ANO10: variants seen among roughly 807,000 people sequenced by gnomAD.
ANO10 encodes the protein anoctamin-10.
In ANO10, 77 loss-of-function variants were observed where a neutral mutation model predicts 74.7. That is an observed-to-expected ratio of 1.03 (90% CI 0.86 to 1.25). The LOEUF (loss-of-function observed/expected upper bound fraction) is 1.25, where lower values mean the gene tolerates loss of function less well. ANO10 is among the 50% of genes most tolerant of loss of function. The pLI, the probability that ANO10 is intolerant of heterozygous loss-of-function variation, is 0.00. For synonymous variants in ANO10, 279 were observed against 284.9 expected (o/e 0.98, Z 0.21); for missense variants, 721 against 778.1 (o/e 0.93, Z 0.87).
chr3:43,637,867 G>A (rs2083630715), intron 1 of ANO10: 1 of 152,208 alleles, frequency 6.6e-6, no homozygotes, highest in South Asian at 2.1e-4. Context: ...TTTAGAACTA[G>A]TGGGATTTAC....
chr3:43,471,771 C>T (rs10461014), intron 11 of ANO10, among the ~76,000 whole-genome samples: 138,835 of 152,142 alleles, frequency 0.91, 63,732 homozygotes, highest in Non-Finnish European at 0.97. Flanking sequence ...AGACCCCATC[C>T]CTAAAAAAAA....
chr3:43,381,750 C>T (rs1256897527), intron 12 of ANO10, among the ~76,000 whole-genome samples: 5 of 152,182 alleles, frequency 3.3e-5, no homozygotes, highest in African/African-American at 1.2e-4. Flanking sequence ...ATTCTACTCA[C>T]AACTGCAGAA....
chr3:43,667,875 T>C (rs1443571082), intron 1 of ANO10, among the ~76,000 whole-genome samples: 1 of 152,196 alleles, frequency 6.6e-6, no homozygotes, highest in Admixed American at 6.5e-5. Context: ...TCTACATCTT[T>C]ACAATTGCCA....
intron 11 of ANO10, among the ~76,000 whole-genome samples, chr3:43,440,106 AAAGG>A (rs1219878462): frequency 6.6e-6 from 1 of 152,202 alleles, no homozygotes; most frequent in Non-Finnish European, 1.5e-5. Flanking sequence ...AACAAAATAC[AAAGG>A]AAGGCAGCAA....
Position 43,615,768 on chromosome 3 carries a change from C to T in ANO10, c.-12+6141G>A, listed in dbSNP as rs187749813. The stretch of plus-strand genomic sequence containing the variant: ...TCCTGGGTTCAAGCGATTCTCCTGC[C>T]TCAGCCTCCCGAGTAGCTGGGACTA... On this transcript the variant is annotated intron_variant, in intron 1 of 12. Coordinates refer to ENST00000292246, the MANE Select transcript of ANO10 (RefSeq NM_018075.5). 9.0e-4 allele frequency among the ~76,000 whole-genome samples: 137 copies of T among 152,078 alleles called. 3 individuals carry two copies. Among genetic ancestry groups the T allele is most frequent in the Admixed American group, 6.9e-3 (105 of 15,268 alleles).
At chr3:43,367,261 A>AG (rs2091444953) in intron 12 of ANO10, among the ~76,000 whole-genome samples, 1 of 152,196 alleles carries the variant, frequency 6.6e-6, no homozygotes, top group African/African-American at 2.4e-5. Context: ...GGCCAGGATG[A>AG]GGGGAATAGG....
chr3:43,513,184 T>G (rs927278191), intron 11 of ANO10, among the ~76,000 whole-genome samples: 4 of 152,110 alleles, frequency 2.6e-5, no homozygotes, highest in Non-Finnish European at 4.4e-5. Flanking sequence ...AGAGCTCTGT[T>G]CACACAGGAC....
intron 11 of ANO10, among the ~76,000 whole-genome samples, chr3:43,454,715 A>G (rs1487689382): frequency 3.9e-5 from 6 of 152,156 alleles, no homozygotes; most frequent in African/African-American, 1.4e-4. Context: ...CCATGGCATT[A>G]GCAAGGTGCT....
chr3:43,622,358 G>C (rs926002298), upstream of ANO10, among the ~76,000 whole-genome samples: 1 of 152,226 alleles, frequency 6.6e-6, no homozygotes, highest in Non-Finnish European at 1.5e-5. Flanking sequence ...GGCCTGGTTG[G>C]GCTGTCACTC....
At chr3:43,616,687 T>C (rs1038806409) in intron 1 of ANO10, among the ~76,000 whole-genome samples, 1 of 152,148 alleles carries the variant, frequency 6.6e-6, no homozygotes, top group Non-Finnish European at 1.5e-5. Flanking sequence ...CTGCTCCTCT[T>C]GTGCCCATTT....
chr3:43,651,937 G>T (rs1050709739), intron 1 of ANO10, among the ~76,000 whole-genome samples: 5 of 152,116 alleles, frequency 3.3e-5, no homozygotes, highest in Non-Finnish European at 5.9e-5. Context: ...TCTAGGGTTG[G>T]GGGCCGGGAG....
At chr3:43,691,250 C>G (rs986986788) in intron 1 of ANO10, 1 of 420,054 alleles carries the variant, frequency 2.4e-6, no homozygotes, top group Middle Eastern at 6.4e-4. Context: ...CGTCGGGGCC[C>G]CGAGGTGTCT....
intron 11 of ANO10, among the ~76,000 whole-genome samples, chr3:43,530,232 CA>C (rs1405512118): frequency 6.6e-6 from 1 of 151,978 alleles, no homozygotes; most frequent in African/African-American, 2.4e-5. Flanking sequence ...CCAAATAACA[CA>C]GTAACTACAT....
chr3:43,664,495 C>G (rs1462258112), intron 1 of ANO10, among the ~76,000 whole-genome samples: 1 of 152,148 alleles, frequency 6.6e-6, no homozygotes, highest in East Asian at 1.9e-4. Context: ...TCTAAAACAC[C>G]AAAAGCAATG....
intron 12 of ANO10, among the ~76,000 whole-genome samples, chr3:43,423,778 C>T (rs987626388): frequency 2.6e-5 from 4 of 152,054 alleles, no homozygotes; most frequent in Non-Finnish European, 5.9e-5. Context: ...CAGACCCTAC[C>T]GTGGAGAGCT....
intron 4 of ANO10, among the ~76,000 whole-genome samples, chr3:43,588,108 G>A (rs1488245116): frequency 6.6e-6 from 1 of 152,134 alleles, no homozygotes; most frequent in Non-Finnish European, 1.5e-5. Flanking sequence ...ATTAGATTTT[G>A]ACTACACATA....
chr3:43,443,093 T>C (rs1393505860), intron 11 of ANO10, among the ~76,000 whole-genome samples: 1 of 152,170 alleles, frequency 6.6e-6, no homozygotes, highest in African/African-American at 2.4e-5. Context: ...GCTGTGTCTA[T>C]GACCCAGCTC....
At chr3:43,464,124 T>A (rs746294605) in intron 11 of ANO10, among the ~76,000 whole-genome samples, 2 of 152,136 alleles carry the variant, frequency 1.3e-5, no homozygotes, top group Non-Finnish European at 2.9e-5. Flanking sequence ...CTTTTGTAAA[T>A]TGCCCAATGT....
intron 12 of ANO10, among the ~76,000 whole-genome samples, chr3:43,398,791 C>T (rs542111798): frequency 6.6e-6 from 1 of 152,276 alleles, no homozygotes; most frequent in African/African-American, 2.4e-5. Context: ...ATCTCTGTGC[C>T]TCAGTTACTT....
Sources: allele counts gnomAD v4.1 joint callset (sites outside exome capture counted in the v4.1 genomes callset), GRCh38; gene constraint gnomAD v4.1.1; transcripts MANE v1.5; gene names NCBI Gene and HGNC (gene_info 2026-07-23, HGNC 2026-07-21).